Variants in FRK observed in about 807,000 individuals in gnomAD.
FRK encodes fyn related Src family tyrosine kinase, also known as tyrosine-protein kinase FRK.
Under a neutral mutation model 56.4 loss-of-function variants are expected in FRK, and 51 were observed. The observed-to-expected ratio is 0.90, with a 90% CI of 0.72 to 1.14. The LOEUF (loss-of-function observed/expected upper bound fraction) is 1.14, where lower values mean the gene tolerates loss of function less well. Ranked by LOEUF, FRK falls within the 50% of genes most tolerant of loss-of-function variation. FRK has a pLI of 0.00. For missense variants in FRK, 570 were observed against 601.4 expected, an observed-to-expected ratio of 0.95 and a Z score of 0.55; for synonymous variants, 245 against 217.9, an observed-to-expected ratio of 1.12 and a Z score of -1.10.
chr6:116,008,668 A>G (rs1194444110), intron 1 of FRK, among the ~76,000 whole-genome samples: 1 of 152,182 alleles, frequency 6.6e-6, no homozygotes, highest in Non-Finnish European at 1.5e-5. Flanking sequence ...ATTCTGATCA[A>G]GTCTGCCTTT....
intron 2 of FRK, among the ~76,000 whole-genome samples, chr6:115,992,648 T>A (rs1774657489): frequency 6.6e-6 from 1 of 151,874 alleles, no homozygotes; most frequent in African/African-American, 2.4e-5. Flanking sequence ...CCATGCTATG[T>A]CTTGAGTACC....
the FRK span, among the ~76,000 whole-genome samples, chr6:116,080,582 A>G: frequency 6.6e-6 from 1 of 152,258 alleles, no homozygotes; most frequent in African/African-American, 2.4e-5. Context: ...GCTACAACAC[A>G]AAGTTGAAAA....
At chr6:116,064,948 T>C (rs2114848878), upstream of FRK, among the ~76,000 whole-genome samples, 1 of 152,264 alleles carries the variant, frequency 6.6e-6, no homozygotes, top group East Asian at 1.9e-4. Context: ...TCCTGTATCC[T>C]TTGCCATTCT....
intron 1 of FRK, among the ~76,000 whole-genome samples, chr6:116,022,974 T>C (rs1226412249): frequency 6.6e-6 from 1 of 152,092 alleles, no homozygotes; most frequent in Non-Finnish European, 1.5e-5. Flanking sequence ...GTCCAGATGT[T>C]GAATTTTTAA....
intron 1 of FRK, among the ~76,000 whole-genome samples, chr6:116,025,413 T>A (rs1456153499): frequency 6.6e-6 from 1 of 152,204 alleles, no homozygotes; most frequent in Non-Finnish European, 1.5e-5. Context: ...ATTCAAAAAA[T>A]GACTAAAACT....
intron 1 of FRK, among the ~76,000 whole-genome samples, chr6:116,029,117 G>A (rs1776207759): frequency 6.6e-6 from 1 of 151,920 alleles, no homozygotes; most frequent in Non-Finnish European, 1.5e-5. Flanking sequence ...TGCCTGGAAC[G>A]CTCTTCACTA....
intron 4 of FRK, among the ~76,000 whole-genome samples, chr6:115,958,704 G>GT (rs1554225803): frequency 0.012 from 86 of 6,970 alleles, 8 homozygotes; most frequent in African/African-American, 0.033. Flanking sequence ...AAGAAAGAAA[G>GT]AAGAAAGAAA....
intron 1 of FRK, among the ~76,000 whole-genome samples, chr6:116,056,962 T>G (rs1777422636): frequency 6.6e-6 from 1 of 152,218 alleles, no homozygotes; most frequent in African/African-American, 2.4e-5. Context: ...AATAGTTTGT[T>G]TTTCAACATC....
chr6:116,069,216 C>A, the FRK span, among the ~76,000 whole-genome samples: 1 of 152,104 alleles, frequency 6.6e-6, no homozygotes, highest in African/African-American at 2.4e-5. Flanking sequence ...AATAGAAGCA[C>A]CTGAAGTCTC....
At chr6:116,085,217 G>A in the FRK span, among the ~76,000 whole-genome samples, 1 of 152,178 alleles carries the variant, frequency 6.6e-6, no homozygotes, top group South Asian at 2.1e-4. Flanking sequence ...TTAAAGAAAT[G>A]GGAAGTGTGG....
chr6:116,004,021 G>A lies in FRK; in HGVS notation c.345-23C>T, dbSNP rs375482461. 9.2e-4 allele frequency: 1,470 copies of A among 1,600,362 alleles called. 28 individuals are homozygous for A. The South Asian group carries it at 0.015, about 16-fold the overall frequency. ...CACCTAAAAAGAGAGATATGTAAAT[G>A]TTAAGTAACCAATTAACATTCATTT... On this transcript the variant is annotated intron_variant, in intron 1 of 7. Coordinates refer to ENST00000606080, the MANE Select transcript of FRK (RefSeq NM_002031.3).
Position 115,968,685 on chromosome 6 carries a change from C to G in FRK, c.521G>C (p.Gly174Ala), listed in dbSNP as rs774236781. ...GATTCTTCTTCGCGTGAGAAAAAAT[C>G]CCCCTTCATCCAGTCTTTTAATTCT... is the stretch of plus-strand genomic sequence containing the variant. ...HYRIKRLDEG[G>A]FFLTRRRIFS... Residue 174 changes from glycine to alanine, a missense_variant, in exon 3 of 8, where the codon GGA becomes GCA. Gly to Ala is a moderately conservative substitution (Grantham distance 60, BLOSUM62 0). Transcript: ENST00000606080. 6.2e-7 allele frequency: 1 copy of G among 1,613,830 alleles called. No individual in the cohort carries two copies.
At chr6:116,018,069 T>C (rs1271599269) in intron 1 of FRK, among the ~76,000 whole-genome samples, 1 of 152,196 alleles carries the variant, frequency 6.6e-6, no homozygotes, top group African/African-American at 2.4e-5. Flanking sequence ...GAAGAGGGAA[T>C]TTCCCAAAAC....
rs1772193606 is a variant in FRK at position 115,941,724 on chromosome 6, A to C, written c.*690T>G. On this transcript the variant is annotated 3_prime_UTR_variant, in exon 8 of 8. Transcript: ENST00000606080. ...GCAACCTGATTCTCAATATTAAGAGATTAAAACTAATGTATATGACTCTCA... is the reference window on the plus strand; with the variant it reads ...GCAACCTGATTCTCAATATTAAGAGCTTAAAACTAATGTATATGACTCTCA... 6.6e-6 allele frequency: 1 copy of C among 152,274 alleles called. No homozygotes were observed. Among genetic ancestry groups the C allele is most frequent in the South Asian group, 2.1e-4 (1 of 4,830 alleles). The allele number at this position is 152,274 out of a possible 1,614,324, so 9.4% of individuals were successfully genotyped here.
At chr6:115,978,471 C>T (rs1038736915) in intron 2 of FRK, among the ~76,000 whole-genome samples, 2 of 152,138 alleles carry the variant, frequency 1.3e-5, no homozygotes, top group East Asian at 1.9e-4. Flanking sequence ...CATGTTCAAG[C>T]GATGTGAGCC....
chr6:115,963,101 T>A (rs1773448327), intron 4 of FRK, among the ~76,000 whole-genome samples: 1 of 20,680 alleles, frequency 4.8e-5, no homozygotes, highest in Non-Finnish European at 1.4e-4. Context: ...AATCAATGAA[T>A]CCAGGAGCTG....
chr6:116,068,674 C>T, the FRK span, among the ~76,000 whole-genome samples: 16 of 152,222 alleles, frequency 1.1e-4, no homozygotes, highest in African/African-American at 3.6e-4. Flanking sequence ...TCATTCTCTC[C>T]TAAACAGAAG....
At position 116,030,046 on chromosome 6, in the gene FRK, A is replaced by C. The variant is rs183261323; in HGVS notation, c.345-26048T>G. On this transcript the variant is annotated intron_variant, in intron 1 of 7. Coordinates refer to ENST00000606080, the MANE Select transcript of FRK (RefSeq NM_002031.3). ...AATTTCTTCATGGCCTACAATGATC[A>C]GTTTTTATTTATGAACCACAGACCC... 4.4e-4 allele frequency among the ~76,000 whole-genome samples: 67 copies of C among 152,242 alleles called. 1 individual carries two copies. Among genetic ancestry groups the C allele is most frequent in the African/African-American group, 1.6e-3 (66 of 41,542 alleles).
chr6:115,967,642 A>T lies in FRK; in HGVS notation c.708T>A (p.Leu236=). 1 of 1,613,798 alleles carries T rather than the reference A, an allele frequency of 6.2e-7. No individual in the cohort carries two copies. Among genetic ancestry groups the T allele is most frequent in the Non-Finnish European group, 8.5e-7 (1 of 1,179,794 alleles). Reference sequence around the variant, plus strand: ...ACTGACCAGATCCCAATCGCTTCAGAAGCTGTATGGAGTTGCGGTCTATCT... The same window carrying T: ...ACTGACCAGATCCCAATCGCTTCAGTAGCTGTATGGAGTTGCGGTCTATCT... ...QWEIDRNSIQ[L]LKRLGSGQFG... is the part of the protein sequence containing the mutation. Residue 236 remains leucine (L), a synonymous_variant, in exon 4 of 8, where the codon CTT becomes CTA. Transcript: ENST00000606080.
Sources: gnomAD v4.1 joint callset for allele counts (sites outside exome capture counted in the v4.1 genomes callset) on GRCh38, gnomAD v4.1.1 for gene constraint, MANE v1.5 for transcripts, NCBI Gene and HGNC (gene_info 2026-07-23, HGNC 2026-07-21) for gene names.